GTF3C6: variants seen among roughly 807,000 people sequenced by gnomAD.
GTF3C6 encodes the protein general transcription factor 3C polypeptide 6.
Under a neutral mutation model 19.2 loss-of-function variants are expected in GTF3C6, and 11 were observed. The ratio of observed to expected loss-of-function variants is 0.57; its 90% CI spans 0.36 to 0.95. The LOEUF is 0.95. GTF3C6 is among the 40% of genes least tolerant of loss of function. GTF3C6 has a pLI of 0.01. For synonymous variants in GTF3C6, 87 were observed against 84.2 expected, an observed-to-expected ratio of 1.03 and a Z score of -0.18; for missense variants, 222 against 254.7, an observed-to-expected ratio of 0.87 and a Z score of 0.87.
Position 110,967,602 on chromosome 6 carries a change from G to C in GTF3C6, c.454G>C (p.Val152Leu). Residue 152 changes from valine to leucine, a missense_variant, in exon 6 of 6, where the codon GTG (valine) becomes CTG (leucine). Coordinates refer to ENST00000329970, the MANE Select transcript of GTF3C6 (RefSeq NM_138408.4). ...NFLHENEDEE[V>L]VASAPDKSLE... ...TCTACATGAAAATGAAGACGAAGAAGTGGTAGCTTCAGCCCCAGATAAATC... is the reference window on the plus strand; with the variant it reads ...TCTACATGAAAATGAAGACGAAGAACTGGTAGCTTCAGCCCCAGATAAATC... 1 of 1,614,088 alleles carries C rather than the reference G, an allele frequency of 6.2e-7. No homozygotes were observed. The highest frequency in any genetic ancestry group is 1.1e-5 in the South Asian group (1 of 91,086).
At chr6:110,967,125 G>T (rs1222053331) in intron 5 of GTF3C6, among the ~76,000 whole-genome samples, 1 of 152,038 alleles carries the variant, frequency 6.6e-6, no homozygotes, top group Admixed American at 6.6e-5. Flanking sequence ...CTGCACTCCA[G>T]CCTGGGTGAC....
Position 110,967,778 on chromosome 6 carries a change from A to G in GTF3C6, c.630A>G (p.Gln210=). The G allele has an allele frequency of 6.2e-7, 1 of 1,602,152 alleles. No homozygotes were observed. The highest frequency in any genetic ancestry group is 1.1e-5 in the South Asian group (1 of 88,418). ...ETEGSVFMET[Q]MLP is the part of the protein sequence containing the mutation. ...AAGGTTCTGTTTTTATGGAAACTCAAATGCTGCCTTAGAAATCACTCCTAG... is the reference window on the plus strand; with the variant it reads ...AAGGTTCTGTTTTTATGGAAACTCAGATGCTGCCTTAGAAATCACTCCTAG... Residue 210 remains glutamine (Q), a synonymous_variant, in exon 6 of 6, where the codon CAA becomes CAG. Transcript: ENST00000329970.
At chr6:110,959,099 T>G in intron 1 of GTF3C6, 73 bp from the exon 2 acceptor site, 1 of 1,100,714 alleles carries the variant, frequency 9.1e-7, no homozygotes, top group South Asian at 1.3e-5. Context: ...TGTGGGAAAT[T>G]TGGCTTCTTT....
chr6:110,966,063 G>A (rs1422722333), intron 5 of GTF3C6, among the ~76,000 whole-genome samples: 2 of 152,190 alleles, frequency 1.3e-5, no homozygotes, highest in African/African-American at 2.4e-5. Context: ...TTGACATGTT[G>A]TCCTCCTCAC....
chr6:110,964,014 T>C (rs1771196983), intron 5 of GTF3C6, among the ~76,000 whole-genome samples: 1 of 152,026 alleles, frequency 6.6e-6, no homozygotes, highest in African/African-American at 2.4e-5. Flanking sequence ...AAGCTGGCTT[T>C]AAATGTGGGG....
chr6:110,966,426 G>A (rs991774412), intron 5 of GTF3C6, among the ~76,000 whole-genome samples: 2 of 151,990 alleles, frequency 1.3e-5, no homozygotes, highest in African/African-American at 2.4e-5. Flanking sequence ...GCAGTGAGCC[G>A]AGATCATGCT....
intron 5 of GTF3C6, among the ~76,000 whole-genome samples, 193 bp downstream of exon 5, chr6:110,962,698 G>C (rs1771176144): frequency 6.6e-6 from 1 of 152,154 alleles, no homozygotes. Context: ...CGCCTCCTGG[G>C]CTCAAGCAAT....
At position 110,967,153 on chromosome 6, in the gene GTF3C6, T is replaced by TAA. The variant is rs200139626; in HGVS notation, c.362-347_362-346dup. 6.9e-5 allele frequency among the ~76,000 whole-genome samples: 10 copies of TAA among 145,954 alleles called. No individual in the cohort carries two copies. In the East Asian group the frequency reaches 1.2e-3, roughly 17 times the overall value. On this transcript the variant is annotated intron_variant, in intron 5 of 5. Transcript: ENST00000329970. ...TGGGTGACAGAGCGAGACTTTGTCTTAAAAAAAAAAACATTGTAGGGAAGT... is the reference window on the plus strand; with the variant it reads ...TGGGTGACAGAGCGAGACTTTGTCTTAAAAAAAAAAAAACATTGTAGGGAAGT...
intron 5 of GTF3C6, among the ~76,000 whole-genome samples, chr6:110,965,123 C>T (rs989367257): frequency 3.1e-4 from 45 of 146,902 alleles, no homozygotes; most frequent in Admixed American, 4.8e-4. Context: ...TGTGCACCAC[C>T]GCACCCAACC....
intron 5 of GTF3C6, 105 bp from the exon 6 acceptor site, chr6:110,967,403 TTC>T: frequency 1.0e-6 from 1 of 982,474 alleles, no homozygotes. Flanking sequence ...ATGTTAGGCT[TTC>T]AGTTTGACAT....
In GTF3C6 at chr6:110,960,570, A is replaced by G. The variant is rs377523741; in HGVS notation, c.203-2A>G. On this transcript the variant is annotated splice_acceptor_variant, in intron 3 of 5. Transcript: ENST00000329970. LOFTEE classifies it high-confidence loss of function. ...ACAATTTGCCTTTGTATTTTTCTGC[A>G]GACACTCTAGGGACCTGTGTTATAT... is the stretch of plus-strand genomic sequence containing the variant. 1.2e-6 allele frequency: 2 copies of G among 1,613,780 alleles called. No individual in the cohort carries two copies. The highest frequency in any genetic ancestry group is 1.7e-6 in the Non-Finnish European group (2 of 1,179,690).
intron 2 of GTF3C6, among the ~76,000 whole-genome samples, chr6:110,960,166 C>G (rs1445192792): frequency 1.3e-5 from 2 of 152,070 alleles, no homozygotes; most frequent in African/African-American, 2.4e-5. Context: ...ACAAAACTTC[C>G]TCTGTTTTTA....
chr6:110,964,376 C>G (rs991064907), intron 5 of GTF3C6, among the ~76,000 whole-genome samples: 2 of 151,882 alleles, frequency 1.3e-5, no homozygotes, highest in African/African-American at 4.8e-5. Flanking sequence ...TCCTGAGTAG[C>G]TGAGACTACA....
In GTF3C6 at chr6:110,959,269, TGGG is replaced by T. The variant is rs1771127139; in HGVS notation, c.138+21_138+23del. ...AAGGTTTTGGTGAGTTTTCTAGACTTGGGGGGATTGTTCTAGAGTGTCTTAAAT... is the reference window on the plus strand; with the variant it reads ...AAGGTTTTGGTGAGTTTTCTAGACTTGGGATTGTTCTAGAGTGTCTTAAAT... On this transcript the variant is annotated intron_variant, in intron 2 of 5. Transcript: ENST00000329970. 3.5e-6 allele frequency: 5 copies of T among 1,422,350 alleles called. No homozygotes were observed. Among genetic ancestry groups the T allele is most frequent in the East Asian group, 5.8e-5 (2 of 34,482 alleles). The allele number at this position is 1,422,350 out of a possible 1,614,324, so 88.1% of individuals were successfully genotyped here.
intron 5 of GTF3C6, among the ~76,000 whole-genome samples, chr6:110,967,295 T>A (rs1244616897): frequency 6.6e-6 from 1 of 152,162 alleles, no homozygotes; most frequent in Non-Finnish European, 1.5e-5. Context: ...GGTAACGTAG[T>A]GATTTTGATG....
intron 4 of GTF3C6, among the ~76,000 whole-genome samples, chr6:110,961,472 T>C (rs545928002): frequency 1.7e-4 from 26 of 152,222 alleles, no homozygotes; most frequent in Admixed American, 1.7e-3. Flanking sequence ...GAAGGGCTAC[T>C]TCATAGGCAG....
At chr6:110,967,360 A>G in intron 5 of GTF3C6, 150 bp from the exon 6 acceptor site, 1 of 658,724 alleles carries the variant, frequency 1.5e-6, no homozygotes, top group Non-Finnish European at 2.5e-6. Context: ...ATTATATTTT[A>G]TCAGTAGTTA....
At chr6:110,965,823 A>T (rs1416805633) in intron 5 of GTF3C6, among the ~76,000 whole-genome samples, 3 of 152,214 alleles carry the variant, frequency 2.0e-5, no homozygotes. Flanking sequence ...TTATCCCTAA[A>T]CTTGACAGCT....
intron 3 of GTF3C6, 36 bp from the exon 4 acceptor site, chr6:110,960,536 C>T: frequency 6.2e-7 from 1 of 1,610,876 alleles, no homozygotes; most frequent in Non-Finnish European, 8.5e-7. Context: ...GAGATGGTAG[C>T]TCTTCTCAAC....
Sources: allele counts gnomAD v4.1 joint callset (sites outside exome capture counted in the v4.1 genomes callset), GRCh38; gene constraint gnomAD v4.1.1; transcripts MANE v1.5; gene names NCBI Gene and HGNC (gene_info 2026-07-23, HGNC 2026-07-21).